Variants in CSMD1 observed in about 807,000 individuals in gnomAD.
The protein encoded by CSMD1 is CUB and Sushi multiple domains 1.
A neutral mutation model predicts 417.5 loss-of-function variants in CSMD1; 213 were observed. The observed-to-expected ratio is 0.51, with a 90% CI of 0.46 to 0.57. The LOEUF (loss-of-function observed/expected upper bound fraction) is 0.57. Among genes scored for constraint, CSMD1 ranks in the 20% least tolerant of loss-of-function variants. The probability of loss-of-function intolerance (pLI) is 0.00; values close to 1 mark genes in which losing one functional copy is unlikely to be tolerated. For missense variants in CSMD1, 6,923 were observed against 4,529.7 expected (o/e 1.53, Z -15.17); for synonymous variants, 2,862 against 1,736.8 (o/e 1.65, Z -16.11).
chr8:3,126,057 T>C lies in CSMD1; in HGVS notation c.6242-7470A>G, dbSNP rs35654079. Reference sequence around the variant, plus strand: ...GGCAGTACATACATGAGCCTTGAAGTAGTTTTGCAAAATAGGTGAGGCACC... The same window carrying C: ...GGCAGTACATACATGAGCCTTGAAGCAGTTTTGCAAAATAGGTGAGGCACC... On this transcript the variant is annotated intron_variant, in intron 41 of 69. Transcript: ENST00000635120. Among the ~76,000 whole-genome samples the C allele has an allele frequency of 6.6e-3, 1,003 of 152,268 alleles. 5 individuals are homozygous for C. Among genetic ancestry groups the C allele is most frequent in the Admixed American group, 0.011 (170 of 15,288 alleles).
At chr8:4,665,243 C>T (rs1385371059) in intron 1 of CSMD1, among the ~76,000 whole-genome samples, 1 of 152,200 alleles carries the variant, frequency 6.6e-6, no homozygotes, top group African/African-American at 2.4e-5. Flanking sequence ...CTCTCCTTCA[C>T]TTTCTCTGAA....
chr8:4,565,118 A>G (rs1798527621), intron 2 of CSMD1, among the ~76,000 whole-genome samples: 1 of 152,222 alleles, frequency 6.6e-6, no homozygotes, highest in Middle Eastern at 3.2e-3. Flanking sequence ...TCTCACTTTT[A>G]TTAGAAGTAC....
chr8:3,999,485 A>C (rs1207876076), intron 4 of CSMD1, among the ~76,000 whole-genome samples: 1 of 152,162 alleles, frequency 6.6e-6, no homozygotes, highest in Non-Finnish European at 1.5e-5. Flanking sequence ...AGCCTCACAA[A>C]AACGTCAAAA....
intron 11 of CSMD1, among the ~76,000 whole-genome samples, chr8:3,477,182 C>T (rs1367831111): frequency 6.6e-6 from 1 of 152,096 alleles, no homozygotes; most frequent in East Asian, 1.9e-4. Flanking sequence ...CAAAATACAA[C>T]ACTAATAAAA....
chr8:4,769,618 T>C (rs539757767), intron 1 of CSMD1, among the ~76,000 whole-genome samples: 69 of 152,350 alleles, frequency 4.5e-4, no homozygotes, highest in Non-Finnish European at 9.4e-4. Context: ...TAAGATAATT[T>C]CTGATCTAAA....
chr8:3,516,886 C>A lies in CSMD1; in HGVS notation c.1345-23160G>T, dbSNP rs1174946797. Among the ~76,000 whole-genome samples the A allele has an allele frequency of 4.6e-5, 7 of 152,180 alleles. No individual in the cohort carries two copies. In the East Asian group the frequency reaches 1.3e-3, roughly 29 times the overall value. ...GATACTTGCACACACATGTTTATAG[C>A]AGCACAATTCACAACTGCAAAATCG... On this transcript the variant is annotated intron_variant, in intron 10 of 69. Coordinates refer to ENST00000635120, the MANE Select transcript of CSMD1 (RefSeq NM_033225.6).
chr8:3,607,649 A>C (rs1801683006), intron 8 of CSMD1, among the ~76,000 whole-genome samples: 1 of 152,220 alleles, frequency 6.6e-6, no homozygotes, highest in Non-Finnish European at 1.5e-5. Flanking sequence ...TCATATATGC[A>C]GTCCATTGTT....
chr8:3,793,742 G>C (rs1226530416), intron 5 of CSMD1, among the ~76,000 whole-genome samples: 1 of 152,026 alleles, frequency 6.6e-6, no homozygotes, highest in Non-Finnish European at 1.5e-5. Context: ...TATTTTCGTA[G>C]GATCTCTCTG....
intron 2 of CSMD1, among the ~76,000 whole-genome samples, chr8:4,511,060 T>C (rs996537569): frequency 6.6e-5 from 10 of 152,242 alleles, no homozygotes; most frequent in African/African-American, 2.4e-4. Context: ...GCTTTCTTTC[T>C]CAGCCATCCT....
intron 39 of CSMD1, among the ~76,000 whole-genome samples, chr8:3,155,525 GC>G (rs1272769802): frequency 2.6e-5 from 4 of 151,018 alleles, no homozygotes; most frequent in African/African-American, 9.7e-5. Flanking sequence ...TCGCCACCAC[GC>G]CCAGCTAATT....
At chr8:3,844,342 C>G (rs973023527) in intron 5 of CSMD1, among the ~76,000 whole-genome samples, 1 of 152,084 alleles carries the variant, frequency 6.6e-6, no homozygotes, top group Non-Finnish European at 1.5e-5. Context: ...GACAATACTT[C>G]AGGAAGTCCC....
chr8:3,142,470 T>C lies in CSMD1; in HGVS notation c.6236A>G (p.Tyr2079Cys). The C allele has an allele frequency of 6.2e-7, 1 of 1,612,958 alleles. No individual in the cohort carries two copies. Among genetic ancestry groups the C allele is most frequent in the Non-Finnish European group, 8.5e-7 (1 of 1,179,266 alleles). ...SQNRQGFKLA[Y>C]QAYELQNCPD... ...TTCTCGTTGTTGTTCCATACCTTGG[T>C]AAGCAAGTTTAAATCCTTGCCGGTT... is the stretch of plus-strand genomic sequence containing the variant. Residue 2079 changes from tyrosine to cysteine, a missense_variant, in exon 41 of 70, where the codon TAC (tyrosine) becomes TGC (cysteine). Tyr to Cys is a radical substitution (Grantham distance 194). Coordinates refer to ENST00000635120, the MANE Select transcript of CSMD1 (RefSeq NM_033225.6).
chr8:3,922,627 A>C (rs1584970562), intron 5 of CSMD1, among the ~76,000 whole-genome samples: 2 of 152,310 alleles, frequency 1.3e-5, no homozygotes, highest in Non-Finnish European at 1.5e-5. Flanking sequence ...TGTGGCTGAT[A>C]AAAATGTAAA....
chr8:3,057,741 G>T (rs775393394), intron 49 of CSMD1, among the ~76,000 whole-genome samples: 29 of 152,102 alleles, frequency 1.9e-4, no homozygotes, highest in Non-Finnish European at 3.2e-4. Flanking sequence ...GCTGAATTCA[G>T]GTAGACTTTC....
At chr8:4,972,151 A>C (rs1013533917) in intron 1 of CSMD1, among the ~76,000 whole-genome samples, 3 of 152,130 alleles carry the variant, frequency 2.0e-5, no homozygotes, top group Non-Finnish European at 1.5e-5. Context: ...TGTAGGTAGA[A>C]ATGAGACCAC....
At chr8:4,811,872 C>G (rs151041125) in intron 1 of CSMD1, among the ~76,000 whole-genome samples, 3 of 152,044 alleles carry the variant, frequency 2.0e-5, no homozygotes, top group Admixed American at 6.6e-5. Flanking sequence ...CCACAGCTGC[C>G]TCAAATCATA....
At chr8:4,498,688 T>C (rs1486899537) in intron 2 of CSMD1, among the ~76,000 whole-genome samples, 3 of 152,180 alleles carry the variant, frequency 2.0e-5, no homozygotes, top group Admixed American at 6.6e-5. Flanking sequence ...GAGTACCTAC[T>C]TTGTGGTTCC....
At chr8:3,476,993 T>C (rs1817469019) in intron 11 of CSMD1, among the ~76,000 whole-genome samples, 1 of 151,818 alleles carries the variant, frequency 6.6e-6, no homozygotes, top group South Asian at 2.1e-4. Flanking sequence ...AAAGGGATAC[T>C]ACAGTATTTT....
At chr8:3,808,626 A>C (rs1023570349) in intron 5 of CSMD1, among the ~76,000 whole-genome samples, 1 of 152,212 alleles carries the variant, frequency 6.6e-6, no homozygotes, top group Non-Finnish European at 1.5e-5. Context: ...ATACTATTGC[A>C]TCAGAGATAG....
Sources: allele counts gnomAD v4.1 joint callset (sites outside exome capture counted in the v4.1 genomes callset), GRCh38; gene constraint gnomAD v4.1.1; transcripts MANE v1.5; gene names NCBI Gene and HGNC (gene_info 2026-07-23, HGNC 2026-07-21).